Variants in SAMD12 observed in about 807,000 individuals in gnomAD.
SAMD12 encodes sterile alpha motif domain-containing protein 12.
In SAMD12, 9 loss-of-function variants were observed where a neutral mutation model predicts 15.0. That is an observed-to-expected ratio of 0.60 (90% CI 0.36 to 1.05). The LOEUF is 1.05. SAMD12 is among the 50% of genes least tolerant of loss of function. SAMD12 has a pLI of 0.01. For missense variants in SAMD12, 230 were observed against 234.2 expected (o/e 0.98, Z 0.12); for synonymous variants, 86 against 90.1 (o/e 0.96, Z 0.25).
rs1299970707 is a variant in SAMD12 at position 118,269,220 on chromosome 8, C to CTCTCTGTGTGTGTG, written c.434-71489_434-71488insCACACACACAGAGA. On this transcript the variant is annotated intron_variant, in intron 4 of 4. Coordinates refer to the SAMD12 transcript ENST00000409003. The stretch of plus-strand genomic sequence containing the variant: ...TCTCTCTCTCTCTCTCTCTCTCTCT[C>CTCTCTGTGTGTGTG]TGTGTGTGTGTGTGTGTGTGTGTGT... Among the ~76,000 whole-genome samples, 7 of 123,040 alleles carry CTCTCTGTGTGTGTG rather than the reference C, an allele frequency of 5.7e-5. No individual in the cohort carries two copies. In the South Asian group the frequency reaches 1.2e-3, roughly 22 times the overall value. 80.7% of individuals were successfully genotyped at this position (123,040 alleles called of 152,430 possible). A position where few individuals can be genotyped will look rare whatever the true frequency, so the allele number is the denominator to read the frequency against.
At chr8:118,459,196 G>C (rs1358445582) in intron 2 of SAMD12, among the ~76,000 whole-genome samples, 1 of 152,052 alleles carries the variant, frequency 6.6e-6, no homozygotes, top group African/African-American at 2.4e-5. Context: ...CTCCTGAGTA[G>C]CGGGGATTAC....
intron 4 of SAMD12, among the ~76,000 whole-genome samples, chr8:118,226,596 T>G (rs1448628716): frequency 6.6e-6 from 1 of 152,212 alleles, no homozygotes; most frequent in Non-Finnish European, 1.5e-5. Flanking sequence ...TATGGAGGAT[T>G]CCCTATATGC....
chr8:118,459,858 A>C (rs1211507211), intron 2 of SAMD12, among the ~76,000 whole-genome samples: 1 of 152,190 alleles, frequency 6.6e-6, no homozygotes, highest in Non-Finnish European at 1.5e-5. Context: ...CACGGACAAG[A>C]CACTTGCCCA....
At chr8:118,545,422 G>A (rs1328281379) in intron 2 of SAMD12, among the ~76,000 whole-genome samples, 11 of 152,196 alleles carry the variant, frequency 7.2e-5, no homozygotes, top group Non-Finnish European at 1.0e-4. Flanking sequence ...AACCAAGATC[G>A]TGCCATTACA....
intron 3 of SAMD12, among the ~76,000 whole-genome samples, chr8:118,407,239 C>T (rs1037366668): frequency 2.6e-5 from 4 of 152,016 alleles, no homozygotes; most frequent in African/African-American, 4.8e-5. Context: ...TTTGAGGAAT[C>T]GCCTGTTGAT....
chr8:118,132,166 T>C, the SAMD12 span, among the ~76,000 whole-genome samples: 5 of 152,238 alleles, frequency 3.3e-5, no homozygotes, highest in Non-Finnish European at 5.9e-5. Flanking sequence ...CATTACCATA[T>C]GGATATATAC....
At chr8:118,507,133 C>T (rs1041114466) in intron 2 of SAMD12, among the ~76,000 whole-genome samples, 11 of 152,040 alleles carry the variant, frequency 7.2e-5, no homozygotes, top group African/African-American at 1.9e-4. Context: ...AATTCTACAA[C>T]GCAGTCACAC....
chr8:118,341,993 G>A (rs16890873), intron 4 of SAMD12, among the ~76,000 whole-genome samples: 32,356 of 152,140 alleles, frequency 0.21, 3,970 homozygotes, highest in African/African-American at 0.32. Context: ...AAATTCCTAT[G>A]AAAAAGTTTT....
chr8:118,588,181 G>C (rs1827498783), intron 1 of SAMD12, among the ~76,000 whole-genome samples: 2 of 152,124 alleles, frequency 1.3e-5, no homozygotes, highest in Admixed American at 6.6e-5. Flanking sequence ...GAAAACTTTT[G>C]CATCAATGAA....
chr8:118,341,161 T>C (rs1817345427), intron 4 of SAMD12, among the ~76,000 whole-genome samples: 3 of 152,164 alleles, frequency 2.0e-5, no homozygotes, highest in Admixed American at 2.0e-4. Context: ...TTTCTTCCTC[T>C]AGGGCCTCTT....
intron 3 of SAMD12, among the ~76,000 whole-genome samples, chr8:118,397,844 G>A (rs111381354): frequency 0.015 from 2,357 of 152,202 alleles, 56 homozygotes; most frequent in African/African-American, 0.051. Context: ...CCAGGTTGGA[G>A]TGCAGTGGTG....
At chr8:118,550,171 C>G (rs909912971) in intron 2 of SAMD12, among the ~76,000 whole-genome samples, 4 of 152,086 alleles carry the variant, frequency 2.6e-5, no homozygotes, top group African/African-American at 9.7e-5. Context: ...TCAGGAAACA[C>G]AGAGAACGCC....
chr8:118,554,885 C>T (rs989027550), intron 2 of SAMD12, among the ~76,000 whole-genome samples: 5 of 152,078 alleles, frequency 3.3e-5, no homozygotes, highest in Non-Finnish European at 7.4e-5. Flanking sequence ...GAATTTCAGA[C>T]ACGTCAACCA....
intron 1 of SAMD12, among the ~76,000 whole-genome samples, chr8:118,604,203 T>C (rs1475272740): frequency 2.0e-5 from 3 of 152,176 alleles, no homozygotes; most frequent in African/African-American, 7.2e-5. Flanking sequence ...ATAAGTACAA[T>C]GTTGTCAGCA....
rs1484399789 is a variant in SAMD12 at position 118,551,983 on chromosome 8, G to T, written c.192+28732C>A. On this transcript the variant is annotated intron_variant, in intron 2 of 3. Transcript: ENST00000314727. ...TCTCCCAAGACTAAACCAGGAAGAA[G>T]TTGAATCTCTGAATAGACCAATAAC... 2.2e-3 allele frequency among the ~76,000 whole-genome samples: 337 copies of T among 151,118 alleles called. 3 individuals are homozygous for T. The highest frequency in any genetic ancestry group is 3.6e-3 in the Non-Finnish European group (244 of 67,352).
At chr8:118,548,742 G>C (rs1310014952) in intron 2 of SAMD12, among the ~76,000 whole-genome samples, 1 of 152,262 alleles carries the variant, frequency 6.6e-6, no homozygotes, top group Admixed American at 6.5e-5. Context: ...CACTCGGGAA[G>C]TGCAAGGGGT....
intron 1 of SAMD12, among the ~76,000 whole-genome samples, chr8:118,612,418 G>C (rs1563611738): frequency 6.6e-6 from 1 of 152,168 alleles, no homozygotes; most frequent in Non-Finnish European, 1.5e-5. Flanking sequence ...TGTCTGTACT[G>C]AACTGGTAAT....
intron 4 of SAMD12, among the ~76,000 whole-genome samples, chr8:118,198,060 T>C (rs552951792): frequency 6.6e-6 from 1 of 152,262 alleles, no homozygotes; most frequent in Non-Finnish European, 1.5e-5. Context: ...TCATGTATTA[T>C]GAAGGTTCAT....
rs143448488 is a variant in SAMD12, at chr8:118,512,419, A to G, written c.192+68296T>C. Among the ~76,000 whole-genome samples the G allele has an allele frequency of 2.2e-3, 332 of 152,302 alleles. 1 individual carries two copies. Among genetic ancestry groups the G allele is most frequent in the African/African-American group, 6.7e-3 (277 of 41,548 alleles). Reference sequence around the variant, plus strand: ...TCTATTTTATGATTGCATAAAATAGACTGAGTTACTTTTATGACACTTACA... The same window carrying G: ...TCTATTTTATGATTGCATAAAATAGGCTGAGTTACTTTTATGACACTTACA... On this transcript the variant is annotated intron_variant, in intron 2 of 3. Transcript: ENST00000314727.
Sources: allele counts gnomAD v4.1 joint callset (sites outside exome capture counted in the v4.1 genomes callset), GRCh38; gene constraint gnomAD v4.1.1; transcripts MANE v1.5; gene names NCBI Gene and HGNC (gene_info 2026-07-23, HGNC 2026-07-21).